Variants in ASB7 observed in about 807,000 individuals in gnomAD.
The protein encoded by ASB7 is ankyrin repeat and SOCS box containing 7, also known as ankyrin repeat and SOCS box protein 7.
Under a neutral mutation model 32.5 loss-of-function variants are expected in ASB7, and 4 were observed. That is an observed-to-expected ratio of 0.12 (90% CI 0.06 to 0.28). The LOEUF (loss-of-function observed/expected upper bound fraction) is 0.28. Among genes scored for constraint, ASB7 ranks in the 10% least tolerant of loss-of-function variants. The pLI is 1.00. For synonymous variants in ASB7, 172 were observed against 155.6 expected, an observed-to-expected ratio of 1.11 and a Z score of -0.78; for missense variants, 181 against 407.1, an observed-to-expected ratio of 0.44 and a Z score of 4.78.
intron 4 of ASB7, among the ~76,000 whole-genome samples, chr15:100,622,723 C>T (rs2039804705): frequency 6.6e-6 from 1 of 152,310 alleles, no homozygotes; most frequent in Non-Finnish European, 1.5e-5. Context: ...GCTGGGAAAA[C>T]TGGATATCCA....
At chr15:100,618,901 G>A (rs1295189646) in intron 4 of ASB7, among the ~76,000 whole-genome samples, 2 of 152,080 alleles carry the variant, frequency 1.3e-5, no homozygotes, top group Non-Finnish European at 2.9e-5. Context: ...ACTCTTTTAG[G>A]ATAATAAGTA....
In ASB7 at chr15:100,612,837, A is replaced by G. The variant is rs142858211; in HGVS notation, c.211+410A>G. Among the ~76,000 whole-genome samples, 963 of 152,290 alleles carry G rather than the reference A, an allele frequency of 6.3e-3. 10 individuals are homozygous for G. The highest frequency in any genetic ancestry group is 7.4e-3 in the Non-Finnish European group (504 of 68,028). On this transcript the variant is annotated intron_variant, in intron 4 of 5. Transcript: ENST00000332783. The stretch of plus-strand genomic sequence containing the variant: ...ACCAGTCCTTTAAACATCATGGCCT[A>G]ATGATACCCTATCCTTATCTTTTTG...
chr15:100,629,697 A>G lies in ASB7; in HGVS notation c.472A>G (p.Ile158Val). The change falls in exon 5 of 6, where the codon ATT (isoleucine) becomes GTT (valine). Residue 158 changes from isoleucine (I) to valine (V), a missense_variant. By Grantham distance (29) the Ile-to-Val change is conservative. Coordinates refer to ENST00000332783, the MANE Select transcript of ASB7 (RefSeq NM_198243.3). The surrounding 1 kb of genome is among the most constrained non-coding windows in gnomAD (Gnocchi z 6.8). ...DKGTTPLQLAIIRERSSCVKI... is the reference protein window; with the variant it reads ...DKGTTPLQLAVIRERSSCVKI... Reference sequence around the variant, plus strand: ...AGGTACCACACCGCTTCAGCTCGCCATTATCCGAGAGAGGTCAAGCTGTGT... The same window carrying G: ...AGGTACCACACCGCTTCAGCTCGCCGTTATCCGAGAGAGGTCAAGCTGTGT... 3 of 1,614,214 alleles carry G rather than the reference A, an allele frequency of 1.9e-6. No individual in the cohort carries two copies. Among genetic ancestry groups the G allele is most frequent in the East Asian group, 2.2e-5 (1 of 44,888 alleles).
intron 3 of ASB7, 22 bp from the exon 4 acceptor site, chr15:100,612,144 T>C: frequency 7.4e-7 from 1 of 1,355,210 alleles, no homozygotes; most frequent in Non-Finnish European, 1.0e-6. Flanking sequence ...AATTTTACCT[T>C]TTCTACCTTC....
In ASB7 at chr15:100,603,262, C is replaced by T; in HGVS notation, c.-225C>T. The T allele has an allele frequency of 2.8e-6, 1 of 352,620 alleles. No homozygotes were observed. Among genetic ancestry groups the T allele is most frequent in the Non-Finnish European group, 5.1e-6 (1 of 197,858 alleles). The allele number at this position is 352,620 out of a possible 1,614,324, so 21.8% of individuals were successfully genotyped here. A position where few individuals can be genotyped will look rare whatever the true frequency, so the allele number is the denominator to read the frequency against. On this transcript the variant is annotated 5_prime_UTR_variant, in exon 2 of 6. Coordinates refer to ENST00000332783, the MANE Select transcript of ASB7 (RefSeq NM_198243.3). Reference sequence around the variant, plus strand: ...GCGAAAGCAGGAAGAGGTCTGCCCACCTATCAGAGAAGCAGAAGGCACAGT... The same window carrying T: ...GCGAAAGCAGGAAGAGGTCTGCCCATCTATCAGAGAAGCAGAAGGCACAGT...
In ASB7 at chr15:100,602,867, C is replaced by T. The variant is rs2039565153; in HGVS notation, c.-452C>T. ...CTCTGCCCCAAGGCTGCCCGGCGGC[C>T]GGGATCGCCACCTCCTGCCTTCTCG... On this transcript the variant is annotated 5_prime_UTR_variant, in exon 1 of 6. Transcript: ENST00000332783. 3 of 396,102 alleles carry T rather than the reference C, an allele frequency of 7.6e-6. No individual in the cohort carries two copies. The highest frequency in any genetic ancestry group is 1.3e-5 in the Non-Finnish European group (3 of 224,852). 24.5% of individuals were successfully genotyped at this position (396,102 alleles called of 1,614,324 possible). A position where few individuals can be genotyped will look rare whatever the true frequency, so the allele number is the denominator to read the frequency against.
chr15:100,645,892 G>C, intron 5 of ASB7: 1 of 737,800 alleles, frequency 1.4e-6, no homozygotes, highest in Non-Finnish European at 2.4e-6. Flanking sequence ...CCACAGCACT[G>C]AGGAGATTGC....
intron 4 of ASB7, among the ~76,000 whole-genome samples, chr15:100,619,075 C>T (rs1228875778): frequency 6.6e-6 from 1 of 152,038 alleles, no homozygotes; most frequent in Non-Finnish European, 1.5e-5. Flanking sequence ...AATTTAAGGG[C>T]CATGTGTAAT....
At position 100,630,062 on chromosome 15, in the gene ASB7, C is replaced by T. The variant is rs980708081; in HGVS notation, c.817+20C>T. On this transcript the variant is annotated intron_variant, in intron 5 of 5. Coordinates refer to ENST00000332783, the MANE Select transcript of ASB7 (RefSeq NM_198243.3). ...TCACAAGTATGTAATATAATTATTA[C>T]TTTATTGCATTTTTTAAAAATTTGC... 2.1e-5 allele frequency: 32 copies of T among 1,533,190 alleles called. No homozygotes were observed. The highest frequency in any genetic ancestry group is 2.8e-5 in the Non-Finnish European group (32 of 1,141,932). 95.0% of individuals were successfully genotyped at this position (1,533,190 alleles called of 1,614,324 possible).
Position 100,612,236 on chromosome 15 carries a change from G to A in ASB7, c.20G>A (p.Arg7Gln), listed in dbSNP as rs755127504. Residue 7 changes from arginine (R) to glutamine (Q), a missense_variant, in exon 4 of 6, where the codon CGA becomes CAA. Arg to Gln is a conservative substitution (Grantham distance 43). Transcript: ENST00000332783. MLHHHC[R>Q]RNPELQEELQ... ...GCTAGGATGTTACACCATCATTGTCGAAGGAACCCTGAGCTCCAGGAAGAG... is the reference window on the plus strand; with the variant it reads ...GCTAGGATGTTACACCATCATTGTCAAAGGAACCCTGAGCTCCAGGAAGAG... The A allele has an allele frequency of 3.1e-6, 5 of 1,613,868 alleles. No homozygotes were observed. Among genetic ancestry groups the A allele is most frequent in the Non-Finnish European group, 3.4e-6 (4 of 1,179,814 alleles).
At chr15:100,634,462 A>G (rs1223401632) in intron 5 of ASB7, among the ~76,000 whole-genome samples, 1 of 152,178 alleles carries the variant, frequency 6.6e-6, no homozygotes, top group Non-Finnish European at 1.5e-5. Context: ...CAAGGTAAGT[A>G]CTGTTCTCAC....
intron 5 of ASB7, among the ~76,000 whole-genome samples, chr15:100,647,981 G>C (rs1383621978): frequency 6.6e-6 from 1 of 152,178 alleles, no homozygotes; most frequent in African/African-American, 2.4e-5. Context: ...GAATTTTCCT[G>C]ATTTATAACA....
At chr15:100,639,697 A>T (rs1003485330) in intron 5 of ASB7, among the ~76,000 whole-genome samples, 2 of 152,228 alleles carry the variant, frequency 1.3e-5, no homozygotes, top group South Asian at 2.1e-4. Flanking sequence ...TAATTATATC[A>T]TAGTCTTACT....
At chr15:100,621,129 A>G (rs552658335) in intron 4 of ASB7, among the ~76,000 whole-genome samples, 11 of 152,374 alleles carry the variant, frequency 7.2e-5, no homozygotes, top group Admixed American at 7.2e-4. Flanking sequence ...TTTGGAAAGC[A>G]GTTTAGCAGT....
intron 5 of ASB7, chr15:100,646,043 T>C (rs576728115): frequency 2.3e-4 from 94 of 416,288 alleles, no homozygotes; most frequent in Non-Finnish European, 3.2e-4. Context: ...CTTAGCATCT[T>C]ATCTCAGGAG....
chr15:100,639,752 T>G (rs1210931208), intron 5 of ASB7, among the ~76,000 whole-genome samples: 1 of 152,222 alleles, frequency 6.6e-6, no homozygotes, highest in Non-Finnish European at 1.5e-5. Flanking sequence ...TAGAAATAAA[T>G]AGTACACAAT....
At chr15:100,612,952 T>A (rs1394049828) in intron 4 of ASB7, among the ~76,000 whole-genome samples, 1 of 151,978 alleles carries the variant, frequency 6.6e-6, no homozygotes, top group African/African-American at 2.4e-5. Flanking sequence ...AGATTGGTTA[T>A]CTGAGATCTA....
chr15:100,645,186 C>G (rs991171026), intron 5 of ASB7, among the ~76,000 whole-genome samples: 4 of 151,998 alleles, frequency 2.6e-5, no homozygotes, highest in Non-Finnish European at 5.9e-5. Flanking sequence ...GATTTCTTCC[C>G]TTTTTTTCTT....
intron 4 of ASB7, among the ~76,000 whole-genome samples, chr15:100,622,200 C>CAAAAAGAAAGA (rs2039798299): frequency 6.7e-6 from 1 of 148,532 alleles, no homozygotes; most frequent in Non-Finnish European, 1.5e-5. Context: ...ATAATAGCTA[C>CAAAAAGAAAGA]AAAAAGAAAA....
Sources: gnomAD v4.1 joint callset for allele counts (sites outside exome capture counted in the v4.1 genomes callset) on GRCh38, gnomAD v4.1.1 for gene constraint, Gnocchi (gnomAD v3.1) non-coding constraint, MANE v1.5 for transcripts, NCBI Gene and HGNC (gene_info 2026-07-23, HGNC 2026-07-21) for gene names.